Variants in ARHGEF28 observed in about 807,000 individuals in gnomAD.
ARHGEF28 encodes Rho guanine nucleotide exchange factor 28.
Under a neutral mutation model 206.6 loss-of-function variants are expected in ARHGEF28, and 152 were observed. The observed-to-expected ratio is 0.74, with a 90% CI of 0.64 to 0.84. The LOEUF (loss-of-function observed/expected upper bound fraction) is 0.84. Among genes scored for constraint, ARHGEF28 ranks in the 40% least tolerant of loss-of-function variants. The probability of loss-of-function intolerance (pLI) is 0.00; values close to 1 mark genes in which losing one functional copy is unlikely to be tolerated. For missense variants in ARHGEF28, 2,028 were observed against 2,073.2 expected (o/e 0.98, Z 0.42); for synonymous variants, 763 against 776.4 (o/e 0.98, Z 0.29).
chr5:73,662,044 C>A (rs971975323), intron 1 of ARHGEF28, among the ~76,000 whole-genome samples: 6 of 152,204 alleles, frequency 3.9e-5, no homozygotes, highest in African/African-American at 1.2e-4. Context: ...TGAAGCACAA[C>A]AAGACATGCC....
intron 1 of ARHGEF28, among the ~76,000 whole-genome samples, chr5:73,671,773 T>A (rs1377804180): frequency 3.5e-5 from 3 of 85,154 alleles, no homozygotes; most frequent in African/African-American, 4.3e-5. Flanking sequence ...TTTTTTTTTT[T>A]GAGACGGAAT....
Position 73,677,159 on chromosome 5 carries a change from C to T in ARHGEF28, c.-11-7682C>T, listed in dbSNP as rs563690663. On this transcript the variant is annotated intron_variant, in intron 1 of 35. Transcript: ENST00000513042. ...GGGGAATAGAGAATGATCGGGGAGGCAGTTGCTTGCGTAAGCTTTATTTTC... is the reference window on the plus strand; with the variant it reads ...GGGGAATAGAGAATGATCGGGGAGGTAGTTGCTTGCGTAAGCTTTATTTTC... 8.5e-5 allele frequency among the ~76,000 whole-genome samples: 13 copies of T among 152,216 alleles called. No individual in the cohort carries two copies. In the East Asian group the frequency reaches 1.3e-3, roughly 16 times the overall value.
chr5:73,831,716 A>T (rs971660115), intron 9 of ARHGEF28, among the ~76,000 whole-genome samples: 3 of 152,274 alleles, frequency 2.0e-5, no homozygotes, highest in African/African-American at 7.2e-5. Flanking sequence ...TTTGAGACGG[A>T]GTTTCACTCT....
intron 9 of ARHGEF28, among the ~76,000 whole-genome samples, chr5:73,811,750 A>T (rs545818619): frequency 1.3e-5 from 2 of 152,208 alleles, no homozygotes; most frequent in Non-Finnish European, 2.9e-5. Context: ...TGGGAGGCCA[A>T]GGTGGGTGGA....
chr5:73,791,102 C>T (rs1393881856), intron 7 of ARHGEF28, among the ~76,000 whole-genome samples: 2 of 152,218 alleles, frequency 1.3e-5, no homozygotes, highest in Non-Finnish European at 2.9e-5. Context: ...CCATCCACCA[C>T]ATCTTGTCAG....
intron 1 of ARHGEF28, chr5:73,627,031 G>A (rs1230189518): frequency 6.6e-6 from 1 of 152,244 alleles, no homozygotes; most frequent in African/African-American, 2.4e-5. Context: ...GGGCTGTATG[G>A]AAACTGGGTG....
intron 2 of ARHGEF28, among the ~76,000 whole-genome samples, chr5:73,748,739 C>T (rs146435060): frequency 0.01 from 1,547 of 152,162 alleles, 11 homozygotes; most frequent in Non-Finnish European, 0.014. Context: ...CCAAAGTGGG[C>T]GACCCTTTCC....
chr5:73,919,251 TTAAAA>T (rs1231794842), intron 35 of ARHGEF28, among the ~76,000 whole-genome samples: 18 of 152,178 alleles, frequency 1.2e-4, no homozygotes, highest in Non-Finnish European at 2.4e-4. Flanking sequence ...AGCCAATAGT[TTAAAA>T]TATAAAATAA....
chr5:73,755,521 A>G (rs1169340807), intron 4 of ARHGEF28, among the ~76,000 whole-genome samples: 1 of 152,188 alleles, frequency 6.6e-6, no homozygotes, highest in Non-Finnish European at 1.5e-5. Context: ...GTTGAAGGTC[A>G]TGGAACCTCA....
At chr5:73,674,313 A>G (rs16870668) in intron 1 of ARHGEF28, among the ~76,000 whole-genome samples, 5,331 of 152,286 alleles carry the variant, frequency 0.035, 342 homozygotes, top group African/African-American at 0.12. Context: ...TGTATGTTAC[A>G]AAAGGACTTT....
At chr5:73,641,999 CTGCGGGGTTT>C (rs1430112292) in intron 1 of ARHGEF28, among the ~76,000 whole-genome samples, 3 of 152,212 alleles carry the variant, frequency 2.0e-5, no homozygotes, top group Non-Finnish European at 2.9e-5. Flanking sequence ...AAGCAACCTG[CTGCGGGGTTT>C]GTAGCCTGTT....
chr5:73,908,238 C>T (rs549940979), intron 33 of ARHGEF28, among the ~76,000 whole-genome samples: 87 of 152,164 alleles, frequency 5.7e-4, no homozygotes, highest in African/African-American at 2.0e-3. Flanking sequence ...ATTTTTGAGT[C>T]GTATTCCAAG....
rs957870672 is a variant in ARHGEF28, at chr5:73,909,286, G to T, written c.4162-126G>T. ...GCCTTTGGAGGTAACTTAGAAAAAG[G>T]CCAGAAATATTAAGAGAAGTGAATT... On this transcript the variant is annotated intron_variant, in intron 33 of 35. Transcript: ENST00000513042. 237 of 1,398,158 alleles carry T rather than the reference G, an allele frequency of 1.7e-4. No homozygotes were observed. In the African/African-American group the frequency reaches 3.0e-3, roughly 18 times the overall value. 86.6% of individuals were successfully genotyped at this position (1,398,158 alleles called of 1,614,324 possible).
At chr5:73,659,953 C>G (rs1745484765) in intron 1 of ARHGEF28, among the ~76,000 whole-genome samples, 1 of 151,572 alleles carries the variant, frequency 6.6e-6, no homozygotes, top group Non-Finnish European at 1.5e-5. Flanking sequence ...GCTGACTGAT[C>G]AGTTTGGTGG....
chr5:73,830,275 C>T (rs913866531), intron 9 of ARHGEF28, among the ~76,000 whole-genome samples: 8 of 152,146 alleles, frequency 5.3e-5, no homozygotes, highest in South Asian at 2.1e-4. Flanking sequence ...GTAGACTGGC[C>T]GGGCGTGGTG....
intron 2 of ARHGEF28, among the ~76,000 whole-genome samples, chr5:73,726,050 C>G (rs765233593): frequency 7.9e-5 from 12 of 152,114 alleles, no homozygotes; most frequent in Non-Finnish European, 1.2e-4. Context: ...TGTGCAGTTT[C>G]CCCCTGTGTT....
intron 2 of ARHGEF28, among the ~76,000 whole-genome samples, chr5:73,689,843 A>G (rs1220175655): frequency 1.3e-5 from 2 of 152,010 alleles, no homozygotes; most frequent in Non-Finnish European, 2.9e-5. Flanking sequence ...TTTAGACTGA[A>G]TGGTACAATA....
chr5:73,663,107 C>T (rs1406454336), intron 1 of ARHGEF28, among the ~76,000 whole-genome samples: 1 of 152,114 alleles, frequency 6.6e-6, no homozygotes, highest in Non-Finnish European at 1.5e-5. Context: ...AGGTGCACAC[C>T]ACCACACCTG....
At position 73,840,758 on chromosome 5, in the gene ARHGEF28, A is replaced by C. The variant is rs1366448354; in HGVS notation, c.1425A>C (p.Arg475Ser). 6.2e-7 allele frequency: 1 copy of C among 1,606,238 alleles called. No individual in the cohort carries two copies. Among genetic ancestry groups the C allele is most frequent in the South Asian group, 1.1e-5 (1 of 89,576 alleles). ...FEKEQSHLKK[R>S]SSSLDALDAD... The stretch of plus-strand genomic sequence containing the variant: ...AGGAACAAAGTCATCTAAAGAAAAG[A>C]AGGTAAGAGTCTATATTGTAGAGGA... Residue 475 changes from arginine to serine, a missense_variant and splice_region_variant, in exon 11 of 36, where the codon AGA becomes AGC. Coordinates refer to ENST00000513042, the MANE Select transcript of ARHGEF28 (RefSeq NM_001177693.2).
Sources: allele counts gnomAD v4.1 joint callset (sites outside exome capture counted in the v4.1 genomes callset), GRCh38; gene constraint gnomAD v4.1.1; transcripts MANE v1.5; gene names NCBI Gene and HGNC (gene_info 2026-07-23, HGNC 2026-07-21).